The following FKBP9 variants were observed in gnomAD, a reference collection of about 807,000 sequenced individuals.
FKBP9 encodes the protein peptidyl-prolyl cis-trans isomerase FKBP9.
A neutral mutation model predicts 55.6 loss-of-function variants in FKBP9; 27 were observed. The ratio of observed to expected loss-of-function variants is 0.49; its 90% CI spans 0.36 to 0.67. The LOEUF (loss-of-function observed/expected upper bound fraction) is 0.67, where lower values mean the gene tolerates loss of function less well. Ranked by LOEUF, FKBP9 falls within the 30% of genes least tolerant of loss-of-function variation. FKBP9 has a pLI of 0.00. For synonymous variants in FKBP9, 267 were observed against 296.5 expected, an observed-to-expected ratio of 0.90 and a Z score of 1.02; for missense variants, 539 against 742.8, an observed-to-expected ratio of 0.73 and a Z score of 3.19.
chr7:32,961,989 G>A (rs10259177), intron 1 of FKBP9, among the ~76,000 whole-genome samples: 91,984 of 151,462 alleles, frequency 0.61, 29,621 homozygotes, highest in Non-Finnish European at 0.72. Context: ...CAATAAATTT[G>A]ATGTATCTGA....
At position 33,002,786 on chromosome 7, in the gene FKBP9, A is replaced by G; in HGVS notation, c.1483A>G (p.Asn495Asp). 6.2e-7 allele frequency: 1 copy of G among 1,614,218 alleles called. No individual in the cohort carries two copies. Among genetic ancestry groups the G allele is most frequent in the Non-Finnish European group, 8.5e-7 (1 of 1,180,034 alleles). ...CATATGGAATGGTGAGGTGTCACCC[A>G]ACCTCTTTGAAGAAATTGACAAGGA... ...MFIWNGEVSP[N>D]LFEEIDKDGN... Residue 495 changes from asparagine to aspartate, a missense_variant, in exon 9 of 10, where the codon AAC (asparagine) becomes GAC (aspartate). Asn to Asp is a conservative substitution (Grantham distance 23). This residue lies in a region of FKBP9 where 102 missense variants were observed against 200.7 expected (regional missense o/e 0.51). Transcript: ENST00000242209.
At chr7:32,996,750 T>TA (rs1457277638) in intron 7 of FKBP9, among the ~76,000 whole-genome samples, 1 of 127,602 alleles carries the variant, frequency 7.8e-6, no homozygotes, top group African/African-American at 3.7e-5. Flanking sequence ...TTTCTTTCTT[T>TA]TTTTTTTTTT....
intron 9 of FKBP9, chr7:33,003,043 G>A (rs940197262): frequency 1.6e-5 from 9 of 552,718 alleles, no homozygotes; most frequent in Admixed American, 9.2e-5. Flanking sequence ...TGAAGAAACC[G>A]ATTCCCTAAG....
intron 1 of FKBP9, among the ~76,000 whole-genome samples, chr7:32,969,951 G>A (rs1456905486): frequency 6.6e-6 from 1 of 151,906 alleles, no homozygotes. Flanking sequence ...AGTGAGCCGA[G>A]ATTGCACCAC....
chr7:32,971,356 G>T (rs1784249305), intron 1 of FKBP9, among the ~76,000 whole-genome samples: 1 of 152,170 alleles, frequency 6.6e-6, no homozygotes, highest in Non-Finnish European at 1.5e-5. Flanking sequence ...AGATTTTTTG[G>T]TTTTTAGCAC....
At chr7:32,962,709 C>T (rs971448115) in intron 1 of FKBP9, among the ~76,000 whole-genome samples, 10 of 152,066 alleles carry the variant, frequency 6.6e-5, no homozygotes, top group South Asian at 2.1e-4. Flanking sequence ...ATTCATCCAA[C>T]AGATATTTAC....
At chr7:32,983,242 T>G (rs1053098560) in intron 5 of FKBP9, among the ~76,000 whole-genome samples, 1 of 152,146 alleles carries the variant, frequency 6.6e-6, no homozygotes, top group African/African-American at 2.4e-5. Flanking sequence ...CAGGCTGGTC[T>G]TGAACTCCTG....
chr7:32,979,348 A>G (rs1583853873), intron 4 of FKBP9: 2 of 623,220 alleles, frequency 3.2e-6, no homozygotes, highest in East Asian at 5.5e-5. Context: ...ATGAAAAGAT[A>G]CAGTAAGGCA....
chr7:32,998,168 G>A (rs1216054391), intron 7 of FKBP9, among the ~76,000 whole-genome samples: 1 of 152,190 alleles, frequency 6.6e-6, no homozygotes, highest in Non-Finnish European at 1.5e-5. Context: ...GCTAGCGGGA[G>A]GCAGGGCAGC....
Position 33,006,676 on chromosome 7 carries a change from G to C in FKBP9, c.*1325G>C. 4.6e-6 allele frequency: 1 copy of C among 217,538 alleles called. No homozygotes were observed. Among genetic ancestry groups the C allele is most frequent in the East Asian group, 6.7e-5 (1 of 14,974 alleles). 13.5% of individuals were successfully genotyped at this position (217,538 alleles called of 1,614,324 possible). A position where few individuals can be genotyped will look rare whatever the true frequency, so the allele number is the denominator to read the frequency against. On this transcript the variant is annotated 3_prime_UTR_variant, in exon 10 of 10. Coordinates refer to ENST00000242209, the MANE Select transcript of FKBP9 (RefSeq NM_007270.5). ...AGGCCAGCTGCCGCAAGACAGCAAT[G>C]ACAGTCCACCTGCCGACCTGATTCC...
Position 33,005,277 on chromosome 7 carries a change from C to A in FKBP9, c.1639C>A (p.Arg547=). The change falls in exon 10 of 10, where the codon CGG becomes AGG. Residue 547 remains arginine (R), a synonymous_variant. Transcript: ENST00000242209. ...GAAGAATATGTTCACCAACCAGGAC[C>A]GGAATGGAGATGGGAAGGTCACAGC... ...IVKNMFTNQD[R]NGDGKVTAEE... is the part of the protein sequence containing the mutation. 1 of 1,614,110 alleles carries A rather than the reference C, an allele frequency of 6.2e-7. No homozygotes were observed. The highest frequency in any genetic ancestry group is 8.5e-7 in the Non-Finnish European group (1 of 1,180,014).
Position 32,976,367 on chromosome 7 carries a change from A to G in FKBP9, c.571A>G (p.Lys191Glu). The G allele has an allele frequency of 6.2e-7, 1 of 1,613,964 alleles. No individual in the cohort carries two copies. Among genetic ancestry groups the G allele is most frequent in the East Asian group, 2.2e-5 (1 of 44,878 alleles). Residue 191 changes from lysine to glutamate, a missense_variant, in exon 4 of 10, where the codon AAA becomes GAA. Coordinates refer to ENST00000242209, the MANE Select transcript of FKBP9 (RefSeq NM_007270.5). ...ATTACCTTTCAGTCACAATCGCATG[A>G]AAACATATGACACGTATGTGGGAAT... is the stretch of plus-strand genomic sequence containing the variant. ...TLFDSSHNRMKTYDTYVGIGW... is the reference protein window; with the variant it reads ...TLFDSSHNRMETYDTYVGIGW...
In FKBP9 at chr7:32,975,371, G is replaced by C; in HGVS notation, c.557G>C (p.Ser186Thr). Reference protein sequence around the residue: ...TFLDGTLFDSSHNRMKTYDTY... With the variant: ...TFLDGTLFDSTHNRMKTYDTY... The stretch of plus-strand genomic sequence containing the variant: ...CTGGACGGAACTCTGTTTGATTCGA[G>C]GTAAGTCCTGTCGTTCATGGCAGTA... The change falls in exon 3 of 10, where the codon AGT (serine) becomes ACT (threonine). Residue 186 changes from serine (S) to threonine (T), a missense_variant and splice_region_variant. Physicochemically the swap from Ser to Thr is moderately conservative, Grantham distance 58. This residue lies in a region of FKBP9 where 236 missense variants were observed against 271.5 expected (regional missense o/e 0.87). Coordinates refer to ENST00000242209, the MANE Select transcript of FKBP9 (RefSeq NM_007270.5). The C allele has an allele frequency of 1.2e-6, 2 of 1,613,144 alleles. No homozygotes were observed. Among genetic ancestry groups the C allele is most frequent in the Non-Finnish European group, 1.7e-6 (2 of 1,179,164 alleles).
chr7:32,965,824 T>A (rs1280749138), intron 1 of FKBP9, among the ~76,000 whole-genome samples: 4 of 18,220 alleles, frequency 2.2e-4, no homozygotes, highest in African/African-American at 6.5e-4. Flanking sequence ...TATATATATA[T>A]ATATATATAT....
intron 8 of FKBP9, among the ~76,000 whole-genome samples, chr7:33,001,771 T>G (rs1371200698): frequency 6.6e-6 from 1 of 152,142 alleles, no homozygotes; most frequent in African/African-American, 2.4e-5. Flanking sequence ...TCAGGCATAT[T>G]GTTCAGATTC....
intron 6 of FKBP9, among the ~76,000 whole-genome samples, chr7:32,991,911 G>A (rs1169132302): frequency 2.6e-5 from 4 of 151,740 alleles, no homozygotes; most frequent in Admixed American, 2.6e-4. Flanking sequence ...TGTGTGTCTG[G>A]GACTTCTTGC....
In FKBP9 at chr7:33,006,175, C is replaced by A; in HGVS notation, c.*824C>A. On this transcript the variant is annotated 3_prime_UTR_variant, in exon 10 of 10. Coordinates refer to ENST00000242209, the MANE Select transcript of FKBP9 (RefSeq NM_007270.5). ...GCAGTGGTGCCATCTCGGCTCACTG[C>A]AGCACTGTCTCGGCTCACTGCAGCC... The A allele has an allele frequency of 5.1e-6, 1 of 195,484 alleles. No homozygotes were observed. The highest frequency in any genetic ancestry group is 7.8e-5 in the East Asian group (1 of 12,830). 12.1% of individuals were successfully genotyped at this position (195,484 alleles called of 1,614,324 possible).
Position 33,002,732 on chromosome 7 carries a change from GT to G in FKBP9, c.1430del (p.Val477GlyfsTer60), listed in dbSNP as rs1171550104. The G allele has an allele frequency of 6.2e-7, 1 of 1,614,088 alleles. No homozygotes were observed. Among genetic ancestry groups the G allele is most frequent in the East Asian group, 2.2e-5 (1 of 44,888 alleles). On this transcript the variant is annotated frameshift_variant, in exon 9 of 10. Coordinates refer to ENST00000242209, the MANE Select transcript of FKBP9 (RefSeq NM_007270.5). LOFTEE classifies it high-confidence loss of function. ...LVFDIELLEL[V>X]AGLPEGYMFI... ...GTTTGACATTGAGCTGCTGGAGCTG[GT>G]GGCTGGCCTTCCTGAGGGGTACATG... is the stretch of plus-strand genomic sequence containing the variant.
At position 32,962,272 on chromosome 7, in the gene FKBP9, C is replaced by A. The variant is rs1236984322; in HGVS notation, c.221+4478C>A. On this transcript the variant is annotated intron_variant, in intron 1 of 9. Transcript: ENST00000242209. ...AGCTGGGTGTGGTGGCGCATGCCTG[C>A]AATCCCAGCTACTCGGGAGGCTGAG... 8.5e-5 allele frequency among the ~76,000 whole-genome samples: 13 copies of A among 152,084 alleles called. No homozygotes were observed. In the East Asian group the frequency reaches 2.5e-3, roughly 30 times the overall value.
Sources: gnomAD v4.1 joint callset for allele counts (sites outside exome capture counted in the v4.1 genomes callset) on GRCh38, gnomAD v4.1.1 for gene constraint, gnomAD v4.1.1 regional missense constraint, MANE v1.5 for transcripts, NCBI Gene and HGNC (gene_info 2026-07-23, HGNC 2026-07-21) for gene names.